The following RAB3B variants were observed in gnomAD, a reference collection of about 807,000 sequenced individuals.
RAB3B encodes the protein RAB3B, member RAS oncogene family, also known as ras-related protein Rab-3B.
Under a neutral mutation model 20.5 loss-of-function variants are expected in RAB3B, and 11 were observed. The ratio of observed to expected loss-of-function variants is 0.54; its 90% CI spans 0.34 to 0.89. The LOEUF is 0.89. Among genes scored for constraint, RAB3B ranks in the 40% least tolerant of loss-of-function variants. RAB3B has a pLI of 0.02. For missense variants in RAB3B, 225 were observed against 280.9 expected, an observed-to-expected ratio of 0.80 and a Z score of 1.42; for synonymous variants, 99 against 106.3, an observed-to-expected ratio of 0.93 and a Z score of 0.42.
rs1038419362 is a variant in RAB3B at position 51,918,214 on chromosome 1, G to A, written c.*1713C>T. ...CTAAGGTTTCACTCCCAGGAGAAAG[G>A]GGTTGGGATCGGGATCTCTGAGTTC... On this transcript the variant is annotated 3_prime_UTR_variant, in exon 5 of 5. Transcript: ENST00000371655. The A allele has an allele frequency of 6.6e-6, 1 of 152,176 alleles. No homozygotes were observed. The highest frequency in any genetic ancestry group is 1.5e-5 in the Non-Finnish European group (1 of 68,034). 9.4% of individuals were successfully genotyped at this position (152,176 alleles called of 1,614,324 possible).
intron 2 of RAB3B, among the ~76,000 whole-genome samples, chr1:51,938,727 G>A (rs1015735918): frequency 2.0e-5 from 3 of 150,326 alleles, no homozygotes; most frequent in Admixed American, 1.3e-4. Context: ...CCAGGCTGGA[G>A]TGCAGTGGAG....
chr1:51,921,714 G>A (rs1227021761), intron 4 of RAB3B, among the ~76,000 whole-genome samples: 1 of 152,186 alleles, frequency 6.6e-6, no homozygotes, highest in Non-Finnish European at 1.5e-5. Context: ...CAGGTGGGAG[G>A]AGTGTGTGAG....
At chr1:51,943,523 G>A (rs764359393) in intron 2 of RAB3B, among the ~76,000 whole-genome samples, 7 of 152,244 alleles carry the variant, frequency 4.6e-5, no homozygotes, top group Non-Finnish European at 8.8e-5. Context: ...AGGAAGGCAT[G>A]CCAAGAACTG....
At position 51,911,666 on chromosome 1, in the gene RAB3B, GCC is replaced by G; in HGVS notation, c.*8259_*8260del. 1.3e-5 allele frequency: 2 copies of G among 152,292 alleles called. No individual in the cohort carries two copies. Among genetic ancestry groups the G allele is most frequent in the Non-Finnish European group, 2.9e-5 (2 of 68,044 alleles). 9.4% of individuals were successfully genotyped at this position (152,292 alleles called of 1,614,324 possible). A position where few individuals can be genotyped will look rare whatever the true frequency, so the allele number is the denominator to read the frequency against. ...CTCTTTCTCACCTTATGTCTCTGCT[GCC>G]CTCTGCCTAATGGCCTTGTTTTCGC... On this transcript the variant is annotated 3_prime_UTR_variant, in exon 5 of 5. Transcript: ENST00000371655.
chr1:51,977,697 G>A (rs537028286), intron 1 of RAB3B, among the ~76,000 whole-genome samples: 2 of 152,312 alleles, frequency 1.3e-5, no homozygotes, highest in African/African-American at 4.8e-5. Flanking sequence ...TATGACTCAG[G>A]AGGCTGAGGT....
chr1:51,956,902 T>C (rs1684714238), intron 2 of RAB3B, among the ~76,000 whole-genome samples: 2 of 152,200 alleles, frequency 1.3e-5, no homozygotes, highest in Admixed American at 1.3e-4. Context: ...CCTGAAGCCA[T>C]ACAGCTGGTA....
chr1:51,976,151 A>AATTTATTTATTTATTT (rs113552260), intron 2 of RAB3B, among the ~76,000 whole-genome samples: 34 of 150,548 alleles, frequency 2.3e-4, no homozygotes, highest in Middle Eastern at 3.4e-3. Context: ...TGACACTACC[A>AATTTATTTATTTATTT]ATTTATTTAT....
intron 2 of RAB3B, among the ~76,000 whole-genome samples, chr1:51,948,950 TG>T (rs1684598805): frequency 1.3e-5 from 2 of 152,162 alleles, no homozygotes; most frequent in Non-Finnish European, 2.9e-5. Flanking sequence ...GATAAATGTA[TG>T]GGGGTGTCTG....
intron 2 of RAB3B, among the ~76,000 whole-genome samples, chr1:51,938,620 A>G (rs967572625): frequency 5.3e-5 from 8 of 152,126 alleles, no homozygotes; most frequent in Admixed American, 3.9e-4. Context: ...AAAGGTTAAT[A>G]GAGATTTTCT....
intron 4 of RAB3B, 92 bp from the exon 5 acceptor site, chr1:51,920,206 G>T: frequency 8.7e-7 from 1 of 1,149,120 alleles, no homozygotes; most frequent in Non-Finnish European, 1.2e-6. Flanking sequence ...GGATTAATAT[G>T]TCCAGTGCTC....
intron 2 of RAB3B, among the ~76,000 whole-genome samples, chr1:51,955,108 C>T (rs1261000534): frequency 1.3e-5 from 2 of 152,178 alleles, no homozygotes; most frequent in Admixed American, 6.5e-5. Context: ...CCTTTATGAG[C>T]GAAGTTTGAG....
intron 1 of RAB3B, among the ~76,000 whole-genome samples, chr1:51,978,562 G>A (rs1762864): frequency 0.036 from 5,463 of 152,170 alleles, 121 homozygotes; most frequent in Non-Finnish European, 0.043. Flanking sequence ...TAGAACACCC[G>A]AATCTGAACT....
intron 2 of RAB3B, among the ~76,000 whole-genome samples, chr1:51,965,232 A>G (rs1447293813): frequency 1.3e-5 from 2 of 148,632 alleles, no homozygotes; most frequent in African/African-American, 2.5e-5. Flanking sequence ...AAAAAAAAAA[A>G]GAAACGAAAA....
chr1:51,962,685 T>A (rs1684800397), intron 2 of RAB3B, among the ~76,000 whole-genome samples: 2 of 152,186 alleles, frequency 1.3e-5, no homozygotes, highest in South Asian at 4.1e-4. Context: ...CTGAAACCTT[T>A]CTCTGAGTCT....
chr1:51,976,151 AATTTATTT>A (rs113552260), intron 2 of RAB3B, among the ~76,000 whole-genome samples: 102 of 150,552 alleles, frequency 6.8e-4, no homozygotes, highest in South Asian at 6.3e-4. Context: ...TGACACTACC[AATTTATTT>A]ATTTATTTAT....
At chr1:51,971,665 C>T (rs1004727717) in intron 2 of RAB3B, among the ~76,000 whole-genome samples, 3 of 152,014 alleles carry the variant, frequency 2.0e-5, no homozygotes, top group Admixed American at 1.3e-4. Flanking sequence ...AACTCCTGAC[C>T]TCATGATCCT....
chr1:51,968,477 T>G (rs1370481731), intron 2 of RAB3B, among the ~76,000 whole-genome samples: 1 of 152,190 alleles, frequency 6.6e-6, no homozygotes, highest in Non-Finnish European at 1.5e-5. Flanking sequence ...TTCAGTCTCA[T>G]TAATTCCTGG....
intron 2 of RAB3B, among the ~76,000 whole-genome samples, chr1:51,938,238 G>A (rs1321090699): frequency 9.2e-5 from 14 of 151,872 alleles, no homozygotes; most frequent in Non-Finnish European, 1.5e-5. Context: ...CTTGCTTGTG[G>A]GAGTGGAACT....
At chr1:51,966,754 G>A (rs536035529) in intron 2 of RAB3B, among the ~76,000 whole-genome samples, 1 of 152,254 alleles carries the variant, frequency 6.6e-6, no homozygotes, top group Admixed American at 6.5e-5. Flanking sequence ...TATCATAAGA[G>A]CTGAGCACAG....
Sources: gnomAD v4.1 joint callset for allele counts (sites outside exome capture counted in the v4.1 genomes callset) on GRCh38, gnomAD v4.1.1 for gene constraint, MANE v1.5 for transcripts, NCBI Gene and HGNC (gene_info 2026-07-23, HGNC 2026-07-21) for gene names.